Variants in KHDRBS3 observed in about 807,000 individuals in gnomAD.
The protein encoded by KHDRBS3 is KH RNA binding domain containing, signal transduction associated 3, also known as KH domain-containing, RNA-binding, signal transduction-associated protein 3.
Under a neutral mutation model 45.6 loss-of-function variants are expected in KHDRBS3, and 23 were observed. The ratio of observed to expected loss-of-function variants is 0.50; its 90% CI spans 0.36 to 0.72. The LOEUF is 0.72. KHDRBS3 is among the 30% of genes least tolerant of loss of function. The pLI, the probability that KHDRBS3 is intolerant of heterozygous loss-of-function variation, is 0.00. For missense variants in KHDRBS3, 352 were observed against 424.8 expected (o/e 0.83, Z 1.51); for synonymous variants, 162 against 156.5 (o/e 1.04, Z -0.26).
chr8:135,560,618 A>C (rs1161090225), intron 5 of KHDRBS3, among the ~76,000 whole-genome samples: 6 of 152,164 alleles, frequency 3.9e-5, no homozygotes, highest in African/African-American at 1.4e-4. Context: ...AGGAAGACAG[A>C]AGTAGTTTTT....
intron 6 of KHDRBS3, among the ~76,000 whole-genome samples, chr8:135,583,094 G>A (rs2130929846): frequency 6.6e-6 from 1 of 152,232 alleles, no homozygotes; most frequent in African/African-American, 2.4e-5. Context: ...TCTACACGTA[G>A]GTCAATCATT....
chr8:135,557,298 C>T, intron 4 of KHDRBS3, 150 bp from the exon 5 acceptor site: 1 of 441,062 alleles, frequency 2.3e-6, no homozygotes, highest in African/African-American at 2.0e-5. Context: ...TTTATTATCA[C>T]ATTTTTATTT....
intron 7 of KHDRBS3, among the ~76,000 whole-genome samples, chr8:135,629,785 A>G (rs2131131500): frequency 6.6e-6 from 1 of 152,320 alleles, no homozygotes; most frequent in South Asian, 2.1e-4. Context: ...GACTGTTAGA[A>G]CCCATGTTCT....
intron 6 of KHDRBS3, among the ~76,000 whole-genome samples, chr8:135,594,306 C>T (rs1159362481): frequency 1.3e-5 from 2 of 152,182 alleles, no homozygotes; most frequent in Non-Finnish European, 2.9e-5. Context: ...CTGGAGGGTT[C>T]ACTACAGTAC....
At chr8:135,471,620 G>C (rs1490193570) in intron 1 of KHDRBS3, among the ~76,000 whole-genome samples, 2 of 152,220 alleles carry the variant, frequency 1.3e-5, no homozygotes, top group African/African-American at 4.8e-5. Context: ...GATCTGGTGA[G>C]GGAGTGGGCA....
intron 7 of KHDRBS3, among the ~76,000 whole-genome samples, chr8:135,615,534 T>G (rs1231059711): frequency 1.3e-5 from 2 of 152,182 alleles, no homozygotes; most frequent in African/African-American, 4.8e-5. Flanking sequence ...ATTATACTAG[T>G]GTTTTTCAAA....
At chr8:135,582,563 A>G (rs1379086307) in intron 6 of KHDRBS3, among the ~76,000 whole-genome samples, 2 of 152,216 alleles carry the variant, frequency 1.3e-5, no homozygotes, top group Non-Finnish European at 2.9e-5. Context: ...TCAGTTTTTC[A>G]TTTATCATTC....
intron 1 of KHDRBS3, among the ~76,000 whole-genome samples, chr8:135,500,413 C>G (rs536858020): frequency 1.3e-5 from 2 of 152,214 alleles, no homozygotes; most frequent in Admixed American, 1.3e-4. Flanking sequence ...TTGAGGAACT[C>G]CTAGGGCTGA....
chr8:135,492,836 C>A (rs1229131223), intron 1 of KHDRBS3, among the ~76,000 whole-genome samples: 1 of 152,092 alleles, frequency 6.6e-6, no homozygotes. Flanking sequence ...TTAGGATCAG[C>A]TTACTGATTT....
At chr8:135,595,504 G>T (rs961504887) in intron 6 of KHDRBS3, among the ~76,000 whole-genome samples, 1 of 152,124 alleles carries the variant, frequency 6.6e-6, no homozygotes, top group Non-Finnish European at 1.5e-5. Context: ...ATTAGACTAT[G>T]CGATAATCTG....
chr8:135,480,989 ATTC>A (rs940433706), intron 1 of KHDRBS3, among the ~76,000 whole-genome samples: 1 of 152,002 alleles, frequency 6.6e-6, no homozygotes. Context: ...CACCAGCATT[ATTC>A]TTCTCCCTTT....
chr8:135,528,018 T>A (rs1452260317), intron 2 of KHDRBS3, among the ~76,000 whole-genome samples: 1 of 152,228 alleles, frequency 6.6e-6, no homozygotes, highest in Non-Finnish European at 1.5e-5. Flanking sequence ...TGATTGTGAT[T>A]CTCAAGGTTT....
chr8:135,635,371 GTGTTTGTT>G (rs561791144), intron 7 of KHDRBS3, among the ~76,000 whole-genome samples: 49 of 152,008 alleles, frequency 3.2e-4, no homozygotes, highest in Non-Finnish European at 3.4e-4. Context: ...GCAGGTAGTA[GTGTTTGTT>G]TGTTTGTTTG....
At chr8:135,526,280 C>T (rs1825181290) in intron 2 of KHDRBS3, among the ~76,000 whole-genome samples, 1 of 151,416 alleles carries the variant, frequency 6.6e-6, no homozygotes, top group Admixed American at 6.6e-5. Flanking sequence ...TTTTCATTGT[C>T]AGCTTTGAGG....
At chr8:135,645,148 G>A in intron 8 of KHDRBS3, 31 bp downstream of exon 8, 1 of 1,610,070 alleles carries the variant, frequency 6.2e-7, no homozygotes, top group South Asian at 1.1e-5. Flanking sequence ...TGTGAAGAGA[G>A]GGAGGAGAGA....
rs576476728 is a variant in KHDRBS3, at chr8:135,632,072, G to A, written c.891-12987G>A. Among the ~76,000 whole-genome samples the A allele has an allele frequency of 3.3e-5, 5 of 152,250 alleles. No homozygotes were observed. The South Asian group carries it at 6.2e-4, about 19-fold the overall frequency. On this transcript the variant is annotated intron_variant, in intron 7 of 8. Transcript: ENST00000355849. ...CTTGACTGTGTATATATACACATGC[G>A]CACACACTTCCTCTACAAAACCCAA... is the stretch of plus-strand genomic sequence containing the variant.
At chr8:135,525,434 C>T (rs1586661812) in intron 2 of KHDRBS3, among the ~76,000 whole-genome samples, 1 of 152,176 alleles carries the variant, frequency 6.6e-6, no homozygotes, top group East Asian at 1.9e-4. Context: ...AAGCCAAAAG[C>T]TCTAAAATGA....
At chr8:135,582,828 A>T (rs995215186) in intron 6 of KHDRBS3, among the ~76,000 whole-genome samples, 9 of 152,214 alleles carry the variant, frequency 5.9e-5, no homozygotes, top group African/African-American at 2.2e-4. Flanking sequence ...ACTTTAGGAG[A>T]GATCTCTTGC....
intron 1 of KHDRBS3, among the ~76,000 whole-genome samples, chr8:135,489,274 C>G (rs759092146): frequency 2.0e-5 from 3 of 152,106 alleles, no homozygotes; most frequent in Non-Finnish European, 2.9e-5. Context: ...AATTTACCAC[C>G]GTATCTGTCA....
Sources: allele counts gnomAD v4.1 joint callset (sites outside exome capture counted in the v4.1 genomes callset), GRCh38; gene constraint gnomAD v4.1.1; transcripts MANE v1.5; gene names NCBI Gene and HGNC (gene_info 2026-07-23, HGNC 2026-07-21).